The following NDC80 variants were observed in gnomAD, a reference collection of about 807,000 sequenced individuals.
The protein encoded by NDC80 is NDC80 kinetochore complex component, also known as kinetochore protein NDC80 homolog.
A neutral mutation model predicts 89.3 loss-of-function variants in NDC80; 69 were observed. That is an observed-to-expected ratio of 0.77 (90% CI 0.64 to 0.94). The LOEUF (loss-of-function observed/expected upper bound fraction) is 0.94, where lower values mean the gene tolerates loss of function less well. Ranked by LOEUF, NDC80 falls within the 40% of genes least tolerant of loss-of-function variation. The pLI, the probability that NDC80 is intolerant of heterozygous loss-of-function variation, is 0.00. For synonymous variants in NDC80, 243 were observed against 255.6 expected (o/e 0.95, Z 0.47); for missense variants, 593 against 739.6 (o/e 0.80, Z 2.30).
chr18:2,591,634 A>C (rs572561798), intron 10 of NDC80, among the ~76,000 whole-genome samples: 71 of 151,950 alleles, frequency 4.7e-4, no homozygotes, highest in African/African-American at 1.6e-3. Flanking sequence ...CCAACTCTTT[A>C]AATATATTAA....
chr18:2,587,931 T>C lies in NDC80; in HGVS notation c.763+8T>C. 6.8e-6 allele frequency: 11 copies of C among 1,611,262 alleles called. No individual in the cohort carries two copies. The highest frequency in any genetic ancestry group is 9.3e-6 in the Non-Finnish European group (11 of 1,177,732). On this transcript the variant is annotated splice_region_variant and intron_variant, in intron 8 of 16. Transcript: ENST00000261597. ...AGCTGCAGTCAAAACTGAGTAAGTG[T>C]TCTCGTTCTTAGGGTGCTTGCTTTT...
At chr18:2,599,835 G>C (rs561874062) in intron 12 of NDC80, among the ~76,000 whole-genome samples, 3 of 152,228 alleles carry the variant, frequency 2.0e-5, no homozygotes, top group Non-Finnish European at 4.4e-5. Context: ...GTTTATTAAA[G>C]TCAAAAGCTA....
At chr18:2,591,896 A>C (rs575722315) in intron 10 of NDC80, among the ~76,000 whole-genome samples, 11 of 152,036 alleles carry the variant, frequency 7.2e-5, no homozygotes, top group African/African-American at 2.7e-4. Context: ...CTGGGATTAC[A>C]GGTGCACGCC....
chr18:2,609,314 A>G (rs1044938642), intron 15 of NDC80, among the ~76,000 whole-genome samples: 3 of 152,172 alleles, frequency 2.0e-5, no homozygotes, highest in Non-Finnish European at 4.4e-5. Context: ...GTGCAAAATC[A>G]TGCCATAAAA....
chr18:2,584,481 G>C (rs142681272), intron 6 of NDC80, among the ~76,000 whole-genome samples: 1 of 151,752 alleles, frequency 6.6e-6, no homozygotes, highest in Admixed American at 6.6e-5. Flanking sequence ...ATAAAAACAG[G>C]CATTCCAAAA....
At chr18:2,608,237 G>A (rs11080963) in intron 14 of NDC80, among the ~76,000 whole-genome samples, 42,936 of 149,562 alleles carry the variant, frequency 0.29, 6,379 homozygotes, top group Middle Eastern at 0.38. Context: ...ACAGTGTCTC[G>A]CTCTGTCGCT....
At chr18:2,575,566 G>A (rs1433679387) in intron 3 of NDC80, among the ~76,000 whole-genome samples, 1 of 152,046 alleles carries the variant, frequency 6.6e-6, no homozygotes, top group African/African-American at 2.4e-5. Flanking sequence ...GAGTCCAAGA[G>A]TTCGAGACCA....
At chr18:2,591,862 C>T (rs916160511) in intron 10 of NDC80, among the ~76,000 whole-genome samples, 1 of 150,422 alleles carries the variant, frequency 6.6e-6, no homozygotes, top group Non-Finnish European at 1.5e-5. Context: ...TCAAATAATT[C>T]TTCTGCCTCA....
chr18:2,595,421 G>T lies in NDC80; in HGVS notation c.1021G>T (p.Glu341Ter). 6.2e-7 allele frequency: 1 copy of T among 1,612,944 alleles called. No homozygotes were observed. Among genetic ancestry groups the T allele is most frequent in the South Asian group, 1.1e-5 (1 of 90,962 alleles). The change falls in exon 11 of 17, where the codon GAA becomes TAA. Residue 341 changes from glutamate (E) to a stop codon, truncating the protein, a stop_gained. Transcript: ENST00000261597. LOFTEE classifies it high-confidence loss of function. ...LNEEIARVEL[E>*]CETIKQENTR... Reference sequence around the variant, plus strand: ...TTGGTTTTTTTCCAACACAGAACTAGAATGTGAAACAATAAAACAGGAGAA... The same window carrying T: ...TTGGTTTTTTTCCAACACAGAACTATAATGTGAAACAATAAAACAGGAGAA...
At position 2,597,638 on chromosome 18, in the gene NDC80, G is replaced by A. The variant is rs149319252; in HGVS notation, c.1222-1381G>A. Among the ~76,000 whole-genome samples, 458 of 152,160 alleles carry A rather than the reference G, an allele frequency of 3.0e-3. 3 individuals are homozygous for A. Among genetic ancestry groups the A allele is most frequent in the African/African-American group, 0.011 (445 of 41,504 alleles). On this transcript the variant is annotated intron_variant, in intron 11 of 16. Transcript: ENST00000261597. ...CGCAGCTACTTGGGAGGCTGAGGCA[G>A]GAGAATCGCTTGAACCCGGAGGCGG...
At position 2,614,645 on chromosome 18, in the gene NDC80, G is replaced by T. The variant is rs1471090351; in HGVS notation, c.1792-1792G>T. On this transcript the variant is annotated intron_variant, in intron 16 of 16. Coordinates refer to ENST00000261597, the MANE Select transcript of NDC80 (RefSeq NM_006101.3). ...AGAAAGAAAGAAAGAAAGAAAGAAA[G>T]AAAGAAAGAAATAAATTTGGCAATC... Among the ~76,000 whole-genome samples, 8 of 92,240 alleles carry T rather than the reference G, an allele frequency of 8.7e-5. 2 individuals are homozygous for T. Among genetic ancestry groups the T allele is most frequent in the Non-Finnish European group, 1.5e-4 (6 of 41,362 alleles). 60.5% of individuals were successfully genotyped at this position (92,240 alleles called of 152,430 possible).
chr18:2,616,089 A>C (rs3786405), intron 16 of NDC80, among the ~76,000 whole-genome samples: 2 of 151,884 alleles, frequency 1.3e-5, no homozygotes, highest in Admixed American at 6.6e-5. Flanking sequence ...GCAGTGGTCC[A>C]ATCTTGGCTC....
At chr18:2,592,622 G>T (rs1326401253) in intron 10 of NDC80, among the ~76,000 whole-genome samples, 1 of 151,960 alleles carries the variant, frequency 6.6e-6, no homozygotes, top group East Asian at 1.9e-4. Flanking sequence ...GCCTCCCAAA[G>T]TGCTGGGGTT....
intron 12 of NDC80, 49 bp from the exon 13 acceptor site, chr18:2,601,346 AT>A: frequency 1.1e-6 from 1 of 893,930 alleles, no homozygotes; most frequent in East Asian, 2.7e-5. Context: ...CAGGAGGGAT[AT>A]TTTGTAATTA....
At chr18:2,574,632 C>T (rs559581047) in intron 2 of NDC80, among the ~76,000 whole-genome samples, 116 of 151,436 alleles carry the variant, frequency 7.7e-4, no homozygotes, top group African/African-American at 2.6e-3. Flanking sequence ...TTTTTTTTAA[C>T]CTTGTTTTTA....
At chr18:2,598,082 C>A (rs903608771) in intron 11 of NDC80, among the ~76,000 whole-genome samples, 1 of 150,962 alleles carries the variant, frequency 6.6e-6, no homozygotes, top group Non-Finnish European at 1.5e-5. Flanking sequence ...AGTAATAAGC[C>A]CAAAATTTAA....
At chr18:2,583,365 C>T (rs1416825352) in intron 6 of NDC80, among the ~76,000 whole-genome samples, 2 of 152,124 alleles carry the variant, frequency 1.3e-5, no homozygotes, top group East Asian at 3.9e-4. Flanking sequence ...GATTCTGTTC[C>T]TTATCTTGGG....
rs779955518 is a variant in NDC80, at chr18:2,577,701, C to T, written c.180-45C>T. On this transcript the variant is annotated intron_variant, in intron 3 of 16. Coordinates refer to ENST00000261597, the MANE Select transcript of NDC80 (RefSeq NM_006101.3). Reference sequence around the variant, plus strand: ...CCTTGAAATAATTTAGACTTGATCACAGAAGCAAATAGTTTTAACTGGCTG... The same window carrying T: ...CCTTGAAATAATTTAGACTTGATCATAGAAGCAAATAGTTTTAACTGGCTG... 78 of 1,601,812 alleles carry T rather than the reference C, an allele frequency of 4.9e-5. 2 individuals are homozygous for T. The highest frequency in any genetic ancestry group is 6.0e-5 in the Non-Finnish European group (71 of 1,174,368).
intron 10 of NDC80, 131 bp downstream of exon 10, chr18:2,590,293 G>C (rs2072621253): frequency 1.1e-6 from 1 of 920,134 alleles, no homozygotes; most frequent in African/African-American, 1.7e-5. Flanking sequence ...CAAGTTTTCA[G>C]TGTGTTTCGT....
Sources: gnomAD v4.1 joint callset for allele counts (sites outside exome capture counted in the v4.1 genomes callset) on GRCh38, gnomAD v4.1.1 for gene constraint, MANE v1.5 for transcripts, NCBI Gene and HGNC (gene_info 2026-07-23, HGNC 2026-07-21) for gene names.